Variants in SPOCK3 observed in about 807,000 individuals in gnomAD.
SPOCK3 encodes testican-3.
Under a neutral mutation model 56.6 loss-of-function variants are expected in SPOCK3, and 30 were observed. The ratio of observed to expected loss-of-function variants is 0.53; its 90% CI spans 0.40 to 0.72. The LOEUF (loss-of-function observed/expected upper bound fraction) is 0.72, where lower values mean the gene tolerates loss of function less well. Ranked by LOEUF, SPOCK3 falls within the 30% of genes least tolerant of loss-of-function variation. The pLI, the probability that SPOCK3 is intolerant of heterozygous loss-of-function variation, is 0.00. For missense variants in SPOCK3, 527 were observed against 530.0 expected (o/e 0.99, Z 0.06); for synonymous variants, 196 against 183.3 (o/e 1.07, Z -0.56).
intron 4 of SPOCK3, among the ~76,000 whole-genome samples, chr4:166,942,618 A>G (rs150176216): frequency 0.016 from 2,492 of 152,302 alleles, 32 homozygotes; most frequent in Middle Eastern, 0.054. Flanking sequence ...AATGGATACT[A>G]TTCTCTTGAG....
At position 166,734,819 on chromosome 4, in the gene SPOCK3, G is replaced by T. The variant is rs1734053735; in HGVS notation, c.*102C>A. On this transcript the variant is annotated 3_prime_UTR_variant, in exon 11 of 11. Transcript: ENST00000357545. ...AATAATTATACAAAATATATGTGAG[G>T]TTTAGAATCATTTTGTTATTGGGGA... The T allele has an allele frequency of 2.0e-6, 2 of 995,118 alleles. No individual in the cohort carries two copies. The highest frequency in any genetic ancestry group is 1.7e-5 in the African/African-American group (1 of 60,506). 61.6% of individuals were successfully genotyped at this position (995,118 alleles called of 1,614,324 possible). A position where few individuals can be genotyped will look rare whatever the true frequency, so the allele number is the denominator to read the frequency against.
intron 2 of SPOCK3, among the ~76,000 whole-genome samples, chr4:167,167,583 A>G (rs980267949): frequency 2.0e-5 from 3 of 152,186 alleles, no homozygotes; most frequent in Admixed American, 6.5e-5. Context: ...ATCTTTTGTG[A>G]AACAATTCAT....
At chr4:166,921,489 G>A (rs1349738223) in intron 4 of SPOCK3, among the ~76,000 whole-genome samples, 1 of 151,996 alleles carries the variant, frequency 6.6e-6, no homozygotes, top group African/African-American at 2.4e-5. Flanking sequence ...GCTAATTTTT[G>A]TATTTTTTGT....
intron 2 of SPOCK3, among the ~76,000 whole-genome samples, chr4:167,228,973 G>A (rs1409477952): frequency 6.6e-6 from 1 of 152,000 alleles, no homozygotes; most frequent in Non-Finnish European, 1.5e-5. Context: ...CACCAAAAAA[G>A]CAAAAGAAAG....
intron 2 of SPOCK3, among the ~76,000 whole-genome samples, chr4:167,134,271 G>C (rs184067667): frequency 6.6e-6 from 1 of 151,630 alleles, no homozygotes; most frequent in Admixed American, 6.6e-5. Context: ...GACTACAGGC[G>C]ATCTGCCTGC....
chr4:166,986,745 C>T (rs1295634813), intron 4 of SPOCK3, among the ~76,000 whole-genome samples: 1 of 152,026 alleles, frequency 6.6e-6, no homozygotes, highest in African/African-American at 2.4e-5. Context: ...CAGCTTTAAT[C>T]TAGTGATTTT....
intron 6 of SPOCK3, among the ~76,000 whole-genome samples, chr4:166,795,494 A>G (rs1741836935): frequency 6.6e-6 from 1 of 152,130 alleles, no homozygotes; most frequent in African/African-American, 2.4e-5. Context: ...CATTTTAAAT[A>G]ATTTTTCAAT....
chr4:166,961,520 C>T (rs539433577), intron 4 of SPOCK3, among the ~76,000 whole-genome samples: 1 of 151,062 alleles, frequency 6.6e-6, no homozygotes, highest in Non-Finnish European at 1.5e-5. Context: ...GGCAAAGAAA[C>T]CAAGATGTCA....
At chr4:167,181,353 C>A (rs1437042402) in intron 2 of SPOCK3, among the ~76,000 whole-genome samples, 1 of 152,118 alleles carries the variant, frequency 6.6e-6, no homozygotes, top group Admixed American at 6.6e-5. Flanking sequence ...CCAGTCCGAC[C>A]CCTTCTTACT....
chr4:167,019,432 G>A lies in SPOCK3; in HGVS notation c.236-18969C>T, dbSNP rs148287162. Among the ~76,000 whole-genome samples, 88 of 151,606 alleles carry A rather than the reference G, an allele frequency of 5.8e-4. 1 individual carries two copies. In the East Asian group the frequency reaches 0.011, roughly 20 times the overall value. On this transcript the variant is annotated intron_variant, in intron 3 of 10. Coordinates refer to ENST00000357545, the MANE Select transcript of SPOCK3 (RefSeq NM_001040159.2). Reference sequence around the variant, plus strand: ...TATAAATATATACAGTTAGATATACGTGATATACATAGAGTTATAACCATA... The same window carrying A: ...TATAAATATATACAGTTAGATATACATGATATACATAGAGTTATAACCATA...
At chr4:166,810,706 T>C (rs543523115) in intron 6 of SPOCK3, among the ~76,000 whole-genome samples, 19 of 152,160 alleles carry the variant, frequency 1.2e-4, no homozygotes, top group Non-Finnish European at 2.8e-4. Context: ...TTATCATTTT[T>C]TATTGTTAGT....
intron 2 of SPOCK3, among the ~76,000 whole-genome samples, chr4:167,175,780 T>C (rs920559045): frequency 6.6e-6 from 1 of 152,126 alleles, no homozygotes; most frequent in Non-Finnish European, 1.5e-5. Context: ...CTTTCAGAAC[T>C]GTGAGAAAAT....
chr4:166,766,823 T>A (rs917367954), intron 7 of SPOCK3, among the ~76,000 whole-genome samples: 7 of 152,166 alleles, frequency 4.6e-5, no homozygotes, highest in African/African-American at 1.7e-4. Flanking sequence ...GGTCCTGGAC[T>A]TTTTTTGGTT....
Position 167,121,009 on chromosome 4 carries a change from CTTATCATTCAGTGGATTTTGATAG to C in SPOCK3, c.190-58496_190-58473del, listed in dbSNP as rs570067919. Among the ~76,000 whole-genome samples the C allele has an allele frequency of 5.0e-4, 76 of 151,888 alleles. 1 individual carries two copies. In the East Asian group the frequency reaches 0.014, roughly 29 times the overall value. ...TAACTCCACTGGATTACTAGTACTC[CTTATCATTCAGTGGATTTTGATAG>C]TTATTCTGCAGACCCAGAAACCATT... On this transcript the variant is annotated intron_variant, in intron 2 of 10. Transcript: ENST00000357545.
At chr4:166,744,470 G>A (rs7674681) in intron 8 of SPOCK3, among the ~76,000 whole-genome samples, 49,659 of 151,862 alleles carry the variant, frequency 0.33, 8,320 homozygotes, top group Admixed American at 0.42. Context: ...CACCAAGACC[G>A]CATCTGTAGG....
At chr4:166,892,729 C>T (rs575561457) in intron 5 of SPOCK3, among the ~76,000 whole-genome samples, 55 of 152,030 alleles carry the variant, frequency 3.6e-4, no homozygotes, top group African/African-American at 1.3e-3. Context: ...TCTAAGACCC[C>T]GAGTATTGAG....
At chr4:167,176,643 C>T (rs1355052109) in intron 2 of SPOCK3, among the ~76,000 whole-genome samples, 1 of 151,950 alleles carries the variant, frequency 6.6e-6, no homozygotes, top group Non-Finnish European at 1.5e-5. Flanking sequence ...TATCAATTCG[C>T]TATATCCCAT....
intron 2 of SPOCK3, among the ~76,000 whole-genome samples, chr4:167,160,839 G>C (rs1765235307): frequency 1.3e-5 from 2 of 152,164 alleles, no homozygotes; most frequent in South Asian, 4.1e-4. Flanking sequence ...CTAGCCATAT[G>C]TAGAAAGCTG....
chr4:167,132,465 A>G (rs2150383683), intron 2 of SPOCK3, among the ~76,000 whole-genome samples: 1 of 152,338 alleles, frequency 6.6e-6, no homozygotes, highest in Non-Finnish European at 1.5e-5. Flanking sequence ...ATACAGTTAC[A>G]GTTTATGAAA....
Sources: gnomAD v4.1 joint callset for allele counts (sites outside exome capture counted in the v4.1 genomes callset) on GRCh38, gnomAD v4.1.1 for gene constraint, MANE v1.5 for transcripts, NCBI Gene and HGNC (gene_info 2026-07-23, HGNC 2026-07-21) for gene names.